SYT17: variants seen among roughly 807,000 people sequenced by gnomAD.
SYT17 encodes the protein synaptotagmin 17, also known as synaptotagmin-17.
SYT17 carries 22 observed loss-of-function variants against 46.7 expected under a neutral mutation model. The ratio of observed to expected loss-of-function variants is 0.47; its 90% CI spans 0.34 to 0.67. The LOEUF (loss-of-function observed/expected upper bound fraction) is 0.67. SYT17 is among the 30% of genes least tolerant of loss of function. SYT17 has a pLI of 0.01. For synonymous variants in SYT17, 251 were observed against 248.4 expected (o/e 1.01, Z -0.10); for missense variants, 519 against 612.8 (o/e 0.85, Z 1.62).
intron 7 of SYT17, among the ~76,000 whole-genome samples, chr16:19,245,375 C>A (rs1358464822): frequency 6.6e-6 from 1 of 152,118 alleles, no homozygotes; most frequent in Non-Finnish European, 1.5e-5. Flanking sequence ...CCCCAAATAC[C>A]TATGGTGCCA....
intron 5 of SYT17, among the ~76,000 whole-genome samples, chr16:19,191,465 G>A (rs1394922738): frequency 6.6e-6 from 1 of 152,216 alleles, no homozygotes; most frequent in Non-Finnish European, 1.5e-5. Flanking sequence ...CAGCAGACAT[G>A]AAATCAGCTG....
In SYT17 at chr16:19,220,303, C is replaced by CTTTTTT. The variant is rs1555459738; in HGVS notation, c.952-2730_952-2725dup. On this transcript the variant is annotated intron_variant, in intron 5 of 7. Coordinates refer to ENST00000355377, the MANE Select transcript of SYT17 (RefSeq NM_016524.4). ...TTCAATGACATTTCTTTCTTTCTTT[C>CTTTTTT]TTTTTTTTTTTTTTTTTGAGATGAA... Among the ~76,000 whole-genome samples the CTTTTTT allele has an allele frequency of 5.6e-3, 448 of 80,472 alleles. 19 individuals are homozygous for CTTTTTT. The highest frequency in any genetic ancestry group is 6.6e-3 in the Non-Finnish European group (297 of 45,072). The allele number at this position is 80,472 out of a possible 152,430, so 52.8% of individuals were successfully genotyped here.
intron 5 of SYT17, chr16:19,211,547 T>G (rs1965901382): frequency 1.4e-6 from 1 of 693,276 alleles, no homozygotes; most frequent in Non-Finnish European, 2.6e-6. Flanking sequence ...AATGGGAAGC[T>G]TAGATGAGGA....
intron 7 of SYT17, among the ~76,000 whole-genome samples, chr16:19,266,467 G>A (rs1211997250): frequency 2.0e-5 from 3 of 152,182 alleles, no homozygotes; most frequent in African/African-American, 7.2e-5. Context: ...TGGTTTAATC[G>A]CTCAACTGGA....
At chr16:19,221,356 T>A (rs1966312279) in intron 5 of SYT17, among the ~76,000 whole-genome samples, 2 of 152,154 alleles carry the variant, frequency 1.3e-5, no homozygotes, top group Non-Finnish European at 2.9e-5. Flanking sequence ...GTCACTTGCC[T>A]GGTGGGAATG....
At chr16:19,206,621 C>T (rs1462835482) in intron 5 of SYT17, among the ~76,000 whole-genome samples, 2 of 152,120 alleles carry the variant, frequency 1.3e-5, no homozygotes, top group East Asian at 1.9e-4. Flanking sequence ...CAGACCTCTA[C>T]AGGAGAAACC....
chr16:19,205,080 TTCATTC>T (rs1965612694), intron 5 of SYT17, among the ~76,000 whole-genome samples: 1 of 152,188 alleles, frequency 6.6e-6, no homozygotes, highest in Non-Finnish European at 1.5e-5. Context: ...GTCTCCCTGC[TTCATTC>T]CTTTGCATTG....
At chr16:19,224,930 T>C (rs1966449956) in intron 7 of SYT17, 92 bp downstream of exon 7, 5 of 1,440,818 alleles carry the variant, frequency 3.5e-6, no homozygotes, top group African/African-American at 2.8e-5. Flanking sequence ...GAGTTACATT[T>C]AAGAACGTAA....
intron 5 of SYT17, among the ~76,000 whole-genome samples, chr16:19,215,919 CAG>C (rs1212963380): frequency 6.6e-6 from 1 of 152,114 alleles, no homozygotes; most frequent in African/African-American, 2.4e-5. Flanking sequence ...AGCAGGCAAA[CAG>C]AGAGAACTTG....
intron 5 of SYT17, among the ~76,000 whole-genome samples, chr16:19,204,446 G>A (rs1965588187): frequency 6.6e-6 from 1 of 152,088 alleles, no homozygotes; most frequent in Non-Finnish European, 1.5e-5. Context: ...GGTCTCTAGA[G>A]CCTCACTCAG....
At chr16:19,172,321 G>T in intron 1 of SYT17, 1 of 1,330,892 alleles carries the variant, frequency 7.5e-7, no homozygotes, top group Non-Finnish European at 9.5e-7. Context: ...GGGCGGGGGA[G>T]CCAAGTAACA....
At chr16:19,190,065 A>T (rs2239977) in intron 5 of SYT17, among the ~76,000 whole-genome samples, 2 of 152,220 alleles carry the variant, frequency 1.3e-5, no homozygotes, top group African/African-American at 4.8e-5. Context: ...TGAGTAGGAC[A>T]AGGGGATTGA....
At chr16:19,215,715 C>G (rs868749209) in intron 5 of SYT17, among the ~76,000 whole-genome samples, 3 of 152,298 alleles carry the variant, frequency 2.0e-5, no homozygotes, top group South Asian at 4.1e-4. Flanking sequence ...CTGCACCCAG[C>G]CAACTTTATT....
chr16:19,223,926 TCAAATGATGTGGCTTA>T (rs1966411957), intron 6 of SYT17, among the ~76,000 whole-genome samples: 1 of 151,932 alleles, frequency 6.6e-6, no homozygotes, highest in African/African-American at 2.4e-5. Context: ...GGTTTAGGAG[TCAAATGATGTGGCTTA>T]CAAATGATGT....
At chr16:19,232,888 C>T (rs1273289502) in intron 7 of SYT17, among the ~76,000 whole-genome samples, 1 of 151,944 alleles carries the variant, frequency 6.6e-6, no homozygotes, top group African/African-American at 2.4e-5. Context: ...TGGTCCCTAC[C>T]CCTGCACATT....
chr16:19,181,110 G>A (rs969245054), intron 4 of SYT17, among the ~76,000 whole-genome samples: 3 of 152,166 alleles, frequency 2.0e-5, no homozygotes, highest in Non-Finnish European at 2.9e-5. Flanking sequence ...TGGGGGCTCC[G>A]TATTGTCTGA....
chr16:19,218,592 C>T (rs1966183310), intron 5 of SYT17, among the ~76,000 whole-genome samples: 2 of 152,286 alleles, frequency 1.3e-5, no homozygotes, highest in Non-Finnish European at 2.9e-5. Context: ...GTTGAAGGTT[C>T]GATCAATGGC....
intron 7 of SYT17, among the ~76,000 whole-genome samples, chr16:19,248,303 C>G (rs1353783125): frequency 6.6e-6 from 1 of 152,168 alleles, no homozygotes; most frequent in Non-Finnish European, 1.5e-5. Flanking sequence ...ACTTTGGAAA[C>G]AGTTATGAAT....
Position 19,180,367 on chromosome 16 carries a change from C to T in SYT17, c.183-24C>T, listed in dbSNP as rs1203389004. 2.5e-6 allele frequency: 4 copies of T among 1,613,418 alleles called. No individual in the cohort carries two copies. The South Asian group carries it at 3.3e-5, about 13-fold the overall frequency. On this transcript the variant is annotated intron_variant, in intron 3 of 7. Transcript: ENST00000355377. ...GTCCCCGGGGATTCCTGGACAGCTA[C>T]TGAGACCTCTTCCCTTCCTATAGGA... is the stretch of plus-strand genomic sequence containing the variant.
Sources: gnomAD v4.1 joint callset for allele counts (sites outside exome capture counted in the v4.1 genomes callset) on GRCh38, gnomAD v4.1.1 for gene constraint, MANE v1.5 for transcripts, NCBI Gene and HGNC (gene_info 2026-07-23, HGNC 2026-07-21) for gene names.